NOTCH2: variants seen among roughly 807,000 people sequenced by gnomAD.
NOTCH2 encodes the protein neurogenic locus notch homolog protein 2.
NOTCH2 carries 29 observed loss-of-function variants against 235.8 expected under a neutral mutation model. That is an observed-to-expected ratio of 0.12 (90% CI 0.09 to 0.17). The LOEUF (loss-of-function observed/expected upper bound fraction) is 0.17, where lower values mean the gene tolerates loss of function less well. Among genes scored for constraint, NOTCH2 ranks in the 10% least tolerant of loss-of-function variants. The probability of loss-of-function intolerance (pLI) is 1.00; values close to 1 mark genes in which losing one functional copy is unlikely to be tolerated. For missense variants in NOTCH2, 2,285 were observed against 3,150.2 expected, an observed-to-expected ratio of 0.73 and a Z score of 6.57; for synonymous variants, 1,086 against 1,141.5, an observed-to-expected ratio of 0.95 and a Z score of 0.98.
At chr1:119,954,060 G>C (rs1357946097) in intron 13 of NOTCH2, among the ~76,000 whole-genome samples, 1 of 144,708 alleles carries the variant, frequency 6.9e-6, no homozygotes, top group East Asian at 2.2e-4. Context: ...AGTTTTTGGT[G>C]CCAAATAGAT....
chr1:119,958,007 G>A (rs1414517836), intron 12 of NOTCH2, among the ~76,000 whole-genome samples: 1 of 151,942 alleles, frequency 6.6e-6, no homozygotes, highest in Non-Finnish European at 1.5e-5. Context: ...CTGTGTTCTG[G>A]GTTTCTTATT....
At chr1:120,005,211 T>G (rs1445508820) in intron 3 of NOTCH2, 118 bp downstream of exon 3, 21 of 1,133,548 alleles carry the variant, frequency 1.9e-5, no homozygotes, top group Non-Finnish European at 2.7e-5. Context: ...CTTATCATAA[T>G]GTTAAATGTG....
At chr1:120,011,707 G>C (rs2101262306) in intron 2 of NOTCH2, among the ~76,000 whole-genome samples, 1 of 152,168 alleles carries the variant, frequency 6.6e-6, no homozygotes, top group East Asian at 1.9e-4. Context: ...GGAACTCGAA[G>C]CTTAGAAAGA....
intron 4 of NOTCH2, among the ~76,000 whole-genome samples, chr1:119,991,845 A>G (rs1652259988): frequency 1.5e-5 from 2 of 129,986 alleles, no homozygotes. Flanking sequence ...AAAAAAAAAG[A>G]AAAGAAAAGA....
chr1:119,918,985 C>A (rs970124339), intron 31 of NOTCH2, among the ~76,000 whole-genome samples: 1 of 152,182 alleles, frequency 6.6e-6, no homozygotes, highest in Non-Finnish European at 1.5e-5. Context: ...TAAGAAGTAG[C>A]GGATACTAGT....
intron 12 of NOTCH2, among the ~76,000 whole-genome samples, chr1:119,955,627 C>G (rs10127888): frequency 0.17 from 25,534 of 152,224 alleles, 2,975 homozygotes; most frequent in African/African-American, 0.33. Context: ...CGGTTTAGCA[C>G]AAATTCATTT....
At chr1:119,942,227 A>C (rs921643162) in intron 17 of NOTCH2, among the ~76,000 whole-genome samples, 8 of 152,078 alleles carry the variant, frequency 5.3e-5, no homozygotes, top group Non-Finnish European at 8.8e-5. Context: ...AGATTTCAGT[A>C]GCCTTATGAA....
At chr1:119,943,118 C>G (rs1570678849) in intron 17 of NOTCH2, among the ~76,000 whole-genome samples, 1 of 152,092 alleles carries the variant, frequency 6.6e-6, no homozygotes, top group Non-Finnish European at 1.5e-5. Context: ...TCTTTCTTCC[C>G]TAACAGACTA....
chr1:119,940,791 C>T (rs1650037993), intron 18 of NOTCH2, 35 bp from the exon 19 acceptor site: 1 of 1,575,434 alleles, frequency 6.3e-7, no homozygotes, highest in Admixed American at 1.7e-5. Flanking sequence ...AGCTATGTAT[C>T]TGGTGCCTGT....
chr1:120,043,120 C>A (rs201670986), intron 1 of NOTCH2, among the ~76,000 whole-genome samples: 1 of 151,802 alleles, frequency 6.6e-6, no homozygotes, highest in Non-Finnish European at 1.5e-5. Flanking sequence ...GTACTCCATA[C>A]AATATATTTA....
intron 4 of NOTCH2, among the ~76,000 whole-genome samples, chr1:119,989,685 A>G (rs1652157166): frequency 6.7e-6 from 1 of 149,658 alleles, no homozygotes; most frequent in African/African-American, 2.4e-5. Context: ...ACATTCTCCA[A>G]AGAAGATACA....
At chr1:119,942,873 C>CTTT (rs587671333) in intron 17 of NOTCH2, among the ~76,000 whole-genome samples, 4 of 128,796 alleles carry the variant, frequency 3.1e-5, no homozygotes, top group Non-Finnish European at 3.3e-5. Flanking sequence ...GTCCATATGT[C>CTTT]TTTTTTTTTT....
chr1:119,979,903 A>C (rs944001426), intron 5 of NOTCH2, among the ~76,000 whole-genome samples: 1 of 152,184 alleles, frequency 6.6e-6, no homozygotes, highest in Non-Finnish European at 1.5e-5. Flanking sequence ...TCTGACATTA[A>C]AAGTAGATAG....
At chr1:119,941,822 G>A in intron 17 of NOTCH2, 68 bp from the exon 18 acceptor site, 2 of 1,230,472 alleles carry the variant, frequency 1.6e-6, no homozygotes, top group South Asian at 1.2e-5. Flanking sequence ...TCATAAAAGT[G>A]AATGACCTGA....
chr1:120,029,429 C>T (rs1373263978), intron 2 of NOTCH2, among the ~76,000 whole-genome samples: 2 of 151,968 alleles, frequency 1.3e-5, no homozygotes, highest in East Asian at 3.9e-4. Flanking sequence ...CAGCTCACTG[C>T]AACCTCCGCC....
In NOTCH2 at chr1:119,922,642, C is replaced by T. The variant is rs371812503; in HGVS notation, c.4996G>A (p.Val1666Ile). 25 of 1,613,984 alleles carry T rather than the reference C, an allele frequency of 1.5e-5. No individual in the cohort carries two copies. The highest frequency in any genetic ancestry group is 2.1e-5 in the Non-Finnish European group (25 of 1,180,050). ...TTACACCAGTGCCACTCACTGACGA[C>T]AGACACAAGAGGGTATGACAGGGTC... ...QGTLSYPLVSVVSESLTPERT... is the reference protein window; with the variant it reads ...QGTLSYPLVSIVSESLTPERT... The change falls in exon 27 of 34, where the codon GTC (valine) becomes ATC (isoleucine). Residue 1666 changes from valine to isoleucine, a missense_variant. This residue lies in a region of NOTCH2 where 1,173 missense variants were observed against 1,515.3 expected (regional missense o/e 0.77). Transcript: ENST00000256646.
chr1:120,000,706 G>T (rs1303672222), intron 3 of NOTCH2, among the ~76,000 whole-genome samples: 16 of 149,730 alleles, frequency 1.1e-4, no homozygotes, highest in Non-Finnish European at 2.1e-4. Context: ...TTTTAAGTGG[G>T]TATATGCCCC....
rs587660289 is a variant in NOTCH2 at position 119,913,027 on chromosome 1, G to C, written c.*2279C>G. 3.4e-5 allele frequency: 8 copies of C among 233,556 alleles called. No homozygotes were observed. In the South Asian group the frequency reaches 5.4e-4, roughly 16 times the overall value. 14.5% of individuals were successfully genotyped at this position (233,556 alleles called of 1,614,324 possible). ...GCTGGATCAGTAGCTGATACTTTCA[G>C]AAGTGGGGCTGGAGCAGGAGGGCAG... On this transcript the variant is annotated 3_prime_UTR_variant, in exon 34 of 34. Coordinates refer to ENST00000256646, the MANE Select transcript of NOTCH2 (RefSeq NM_024408.4).
intron 17 of NOTCH2, among the ~76,000 whole-genome samples, chr1:119,945,968 G>A (rs1322116684): frequency 6.6e-6 from 1 of 151,972 alleles, no homozygotes; most frequent in Non-Finnish European, 1.5e-5. Context: ...AAAGAAAGAA[G>A]AGACAAATTA....
Sources: allele counts gnomAD v4.1 joint callset (sites outside exome capture counted in the v4.1 genomes callset), GRCh38; gene constraint gnomAD v4.1.1; regional missense constraint gnomAD v4.1.1; transcripts MANE v1.5; gene names NCBI Gene and HGNC (gene_info 2026-07-23, HGNC 2026-07-21).